Variants in PAM observed in about 807,000 individuals in gnomAD.
The protein encoded by PAM is peptidyl-glycine alpha-amidating monooxygenase.
In PAM, 72 loss-of-function variants were observed where a neutral mutation model predicts 122.1. The ratio of observed to expected loss-of-function variants is 0.59; its 90% CI spans 0.49 to 0.72. The LOEUF (loss-of-function observed/expected upper bound fraction) is 0.72. PAM is among the 30% of genes least tolerant of loss of function. The pLI is 0.00. For synonymous variants in PAM, 389 were observed against 404.4 expected, an observed-to-expected ratio of 0.96 and a Z score of 0.46; for missense variants, 1,106 against 1,183.7, an observed-to-expected ratio of 0.93 and a Z score of 0.96.
intron 3 of PAM, among the ~76,000 whole-genome samples, 192 bp from the exon 4 acceptor site, chr5:102,901,164 G>C (rs1322893025): frequency 2.6e-5 from 4 of 151,502 alleles, no homozygotes; most frequent in African/African-American, 9.7e-5. Context: ...GTTTAGGAAA[G>C]AGTCTTAGAC....
chr5:102,958,008 C>T (rs552941322), intron 12 of PAM, among the ~76,000 whole-genome samples: 1 of 152,120 alleles, frequency 6.6e-6, no homozygotes, highest in East Asian at 1.9e-4. Context: ...ATTTATGCAA[C>T]AGAGAACACA....
At chr5:102,928,064 G>C (rs1750213207) in intron 7 of PAM, among the ~76,000 whole-genome samples, 1 of 152,276 alleles carries the variant, frequency 6.6e-6, no homozygotes. Flanking sequence ...GACTTCCAAA[G>C]TATTGACAAA....
At chr5:102,985,334 A>G (rs774923891) in intron 15 of PAM, among the ~76,000 whole-genome samples, 1 of 152,048 alleles carries the variant, frequency 6.6e-6, no homozygotes, top group Non-Finnish European at 1.5e-5. Context: ...TAACCAAGAA[A>G]AAGAGGGAAG....
At chr5:102,881,360 GAAA>G (rs1246218028) in intron 3 of PAM, among the ~76,000 whole-genome samples, 4 of 151,602 alleles carry the variant, frequency 2.6e-5, no homozygotes, top group Admixed American at 1.3e-4. Flanking sequence ...TAAATTAAGG[GAAA>G]AAAGTTACTA....
intron 21 of PAM, among the ~76,000 whole-genome samples, chr5:103,013,714 C>T (rs1240896901): frequency 2.6e-5 from 4 of 152,070 alleles, no homozygotes; most frequent in Non-Finnish European, 4.4e-5. Context: ...TAAATACTTA[C>T]TCTGTATCAG....
At chr5:102,818,203 C>T (rs1770573797) in intron 1 of PAM, among the ~76,000 whole-genome samples, 1 of 150,984 alleles carries the variant, frequency 6.6e-6, no homozygotes, top group Non-Finnish European at 1.5e-5. Flanking sequence ...TTTTCCCCAC[C>T]AGAACATAAG....
chr5:103,020,774 A>G (rs1783325894), intron 23 of PAM, among the ~76,000 whole-genome samples: 1 of 152,212 alleles, frequency 6.6e-6, no homozygotes, highest in Non-Finnish European at 1.5e-5. Context: ...AAAAGAAATG[A>G]AAAGCAGCAA....
At chr5:102,936,959 A>G (rs993370542) in intron 7 of PAM, among the ~76,000 whole-genome samples, 1 of 152,164 alleles carries the variant, frequency 6.6e-6, no homozygotes, top group Non-Finnish European at 1.5e-5. Flanking sequence ...ACATGAGCAG[A>G]ATAATTTGCA....
intron 3 of PAM, among the ~76,000 whole-genome samples, chr5:102,898,944 T>TCTGTAATAC (rs1459513480): frequency 2.0e-5 from 3 of 151,628 alleles, no homozygotes; most frequent in Admixed American, 6.6e-5. Context: ...TAAAATGGTG[T>TCTGTAATAC]CTGTAATACC....
chr5:102,837,121 A>C (rs1025095920), intron 1 of PAM, among the ~76,000 whole-genome samples: 1 of 152,194 alleles, frequency 6.6e-6, no homozygotes. Flanking sequence ...GGGATATGCC[A>C]AAGATAGTGA....
intron 12 of PAM, among the ~76,000 whole-genome samples, chr5:102,955,983 T>TA (rs1445797423): frequency 1.3e-5 from 2 of 152,068 alleles, no homozygotes; most frequent in African/African-American, 4.8e-5. Flanking sequence ...TAGCATATGA[T>TA]AGTTTCTCTG....
intron 1 of PAM, among the ~76,000 whole-genome samples, chr5:102,806,807 T>G (rs1766355884): frequency 2.6e-5 from 4 of 152,234 alleles, no homozygotes; most frequent in Admixed American, 2.6e-4. Context: ...TTTTCTAATC[T>G]ATATGGGAAT....
chr5:102,834,636 G>A (rs1399045093), intron 1 of PAM, among the ~76,000 whole-genome samples: 3 of 152,086 alleles, frequency 2.0e-5, no homozygotes, highest in African/African-American at 7.2e-5. Flanking sequence ...CAGTGAGAGA[G>A]GAAACCACAT....
chr5:102,937,871 G>A (rs1218659994), intron 7 of PAM, among the ~76,000 whole-genome samples: 3 of 152,178 alleles, frequency 2.0e-5, no homozygotes, highest in Non-Finnish European at 4.4e-5. Context: ...GTTATGAAGT[G>A]AAATGAACTC....
chr5:102,891,426 C>T (rs749729062), intron 3 of PAM, among the ~76,000 whole-genome samples: 2 of 151,760 alleles, frequency 1.3e-5, no homozygotes, highest in African/African-American at 4.8e-5. Context: ...TCTGTTGAAA[C>T]GTTTCTTTTA....
At chr5:102,942,427 C>A (rs1213387539) in intron 7 of PAM, among the ~76,000 whole-genome samples, 1 of 151,878 alleles carries the variant, frequency 6.6e-6, no homozygotes, top group Admixed American at 6.6e-5. Context: ...AAGTCATTTG[C>A]ATTTAGTGAT....
intron 1 of PAM, among the ~76,000 whole-genome samples, chr5:102,820,424 T>C (rs181397961): frequency 6.6e-6 from 1 of 152,322 alleles, no homozygotes. Flanking sequence ...ATGGTACTTC[T>C]TGGATATCAT....
rs1785912610 is a variant in PAM at position 102,867,284 on chromosome 5, C to A, written c.101C>A (p.Thr34Asn). The A allele has an allele frequency of 6.2e-7, 1 of 1,601,412 alleles. No individual in the cohort carries two copies. The highest frequency in any genetic ancestry group is 2.2e-5 in the East Asian group (1 of 44,728). The change falls in exon 3 of 26, where the codon ACT becomes AAT. Residue 34 changes from threonine (T) to asparagine (N), a missense_variant. By Grantham distance (65) the Thr-to-Asn change is moderately conservative. Transcript: ENST00000438793. ...CCCTCTTTTTTAAGGTTTAAAGAAA[C>A]TACCAGACCATTTTCCAATGAATGT... is the stretch of plus-strand genomic sequence containing the variant. ...PLSVFKRFKE[T>N]TRPFSNECLG...
intron 1 of PAM, among the ~76,000 whole-genome samples, chr5:102,761,426 C>T (rs1276988752): frequency 2.0e-5 from 3 of 152,142 alleles, no homozygotes; most frequent in Non-Finnish European, 2.9e-5. Flanking sequence ...ACGGTTTTTA[C>T]CTGCATTGAG....
Sources: allele counts gnomAD v4.1 joint callset (sites outside exome capture counted in the v4.1 genomes callset), GRCh38; gene constraint gnomAD v4.1.1; transcripts MANE v1.5; gene names NCBI Gene and HGNC (gene_info 2026-07-23, HGNC 2026-07-21).